Variants in BACH1 observed in about 807,000 individuals in gnomAD.
The protein encoded by BACH1 is BTB domain and CNC homolog 1, also known as transcription regulator protein BACH1.
Under a neutral mutation model 52.9 loss-of-function variants are expected in BACH1, and 35 were observed. The observed-to-expected ratio is 0.66, with a 90% CI of 0.51 to 0.88. The LOEUF (loss-of-function observed/expected upper bound fraction) is 0.88. Among genes scored for constraint, BACH1 ranks in the 40% least tolerant of loss-of-function variants. The probability of loss-of-function intolerance (pLI) is 0.00; values close to 1 mark genes in which losing one functional copy is unlikely to be tolerated. For synonymous variants in BACH1, 321 were observed against 319.6 expected (o/e 1.00, Z -0.05); for missense variants, 808 against 872.6 (o/e 0.93, Z 0.93).
chr21:29,358,810 GAAAGAAGA>G (rs1363156217), intron 2 of BACH1, among the ~76,000 whole-genome samples: 1 of 88,688 alleles, frequency 1.1e-5, no homozygotes, highest in Non-Finnish European at 3.3e-5. Flanking sequence ...AAGAAAGAAA[GAAAGAAGA>G]AAGAAAGAAA....
chr21:29,350,447 C>G (rs1601374964), downstream of BACH1, among the ~76,000 whole-genome samples: 1 of 152,196 alleles, frequency 6.6e-6, no homozygotes, highest in Admixed American at 6.5e-5. Context: ...GCGTGAGAGC[C>G]TAGTGCAAAC....
chr21:29,321,097 T>C, intron 1 of BACH1, 124 bp from the exon 2 acceptor site: 1 of 586,086 alleles, frequency 1.7e-6, no homozygotes, highest in Non-Finnish European at 3.0e-6. Context: ...TGCCTCTAGG[T>C]TGTTCCTCTG....
rs150747240 is a variant in BACH1 at position 29,339,911 on chromosome 21, C to T, written c.1777-2488C>T. 3.1e-3 allele frequency among the ~76,000 whole-genome samples: 475 copies of T among 152,306 alleles called. 1 individual carries two copies. Among genetic ancestry groups the T allele is most frequent in the Non-Finnish European group, 5.3e-3 (358 of 68,016 alleles). On this transcript the variant is annotated intron_variant, in intron 4 of 4. Transcript: ENST00000286800. ...TCAGCCTCCCAAAGTGCTGGGATTA[C>T]AGGCGTGAGCCACTGTGCCCAGCCT...
intron 2 of BACH1, among the ~76,000 whole-genome samples, chr21:29,324,556 T>TG (rs2088887682): frequency 3.4e-5 from 5 of 145,222 alleles, no homozygotes; most frequent in Non-Finnish European, 7.5e-5. Context: ...TGGATGTACC[T>TG]TGTGTGTGTG....
chr21:29,300,164 G>A (rs887945454), intron 1 of BACH1: 16 of 152,254 alleles, frequency 1.1e-4, no homozygotes, highest in African/African-American at 3.9e-4. Context: ...GCTTAGGGAA[G>A]AAAGGCTCCC....
At chr21:29,307,428 G>C (rs2088671786) in intron 1 of BACH1, among the ~76,000 whole-genome samples, 1 of 146,132 alleles carries the variant, frequency 6.8e-6, no homozygotes, top group African/African-American at 2.8e-5. Flanking sequence ...TGTGTGTGTG[G>C]TGAGAACCTT....
In BACH1 at chr21:29,327,236, G is replaced by GCTGTT; in HGVS notation, c.1414_1418dup (p.Ser474ValfsTer53). On this transcript the variant is annotated frameshift_variant, in exon 3 of 5. Transcript: ENST00000286800. LOFTEE classifies it high-confidence loss of function. ...TTTATAAGTACTCTGAGTACTGAAG[G>GCTGTT]CTGTTCAAGCAATTTGGAAATTGGA... is the stretch of plus-strand genomic sequence containing the variant. The GCTGTT allele has an allele frequency of 6.2e-7, 1 of 1,614,172 alleles. No individual in the cohort carries two copies. Among genetic ancestry groups the GCTGTT allele is most frequent in the Non-Finnish European group, 8.5e-7 (1 of 1,180,042 alleles).
intron 4 of BACH1, 85 bp from the exon 5 acceptor site, chr21:29,342,314 G>A (rs1478448565): frequency 7.8e-7 from 1 of 1,288,466 alleles, no homozygotes; most frequent in African/African-American, 1.5e-5. Flanking sequence ...TTGATGAGAA[G>A]CCCCTGTATA....
In BACH1 at chr21:29,344,996, A is replaced by G. The variant is rs934845239; in HGVS notation, c.*2163A>G. ...AAGCACTTGGTTTAAATTTCTCTCT[A>G]CCTATAAACAGTTTAGCATTAAGGG... On this transcript the variant is annotated 3_prime_UTR_variant, in exon 5 of 5. Transcript: ENST00000286800. The G allele has an allele frequency of 1.3e-5, 2 of 152,596 alleles. No homozygotes were observed. The highest frequency in any genetic ancestry group is 4.8e-5 in the African/African-American group (2 of 41,432). The allele number at this position is 152,596 out of a possible 1,614,324, so 9.5% of individuals were successfully genotyped here. A position where few individuals can be genotyped will look rare whatever the true frequency, so the allele number is the denominator to read the frequency against.
At chr21:29,312,730 A>G (rs1225937251) in intron 1 of BACH1, among the ~76,000 whole-genome samples, 1 of 152,200 alleles carries the variant, frequency 6.6e-6, no homozygotes, top group Admixed American at 6.5e-5. Context: ...GCCCTCTACT[A>G]AAAAGATCAT....
intron 4 of BACH1, among the ~76,000 whole-genome samples, chr21:29,341,071 T>C (rs576869284): frequency 7.3e-4 from 111 of 152,248 alleles, no homozygotes; most frequent in Non-Finnish European, 1.4e-3. Context: ...GTATATTTTC[T>C]CAAAATATTA....
At chr21:29,350,792 G>A (rs535556248), downstream of BACH1, among the ~76,000 whole-genome samples, 15 of 152,324 alleles carry the variant, frequency 9.8e-5, no homozygotes, top group Non-Finnish European at 2.2e-4. Context: ...AAGGTGAAGG[G>A]AAGAATGTGG....
At chr21:29,337,223 A>G (rs1057313707) in intron 4 of BACH1, among the ~76,000 whole-genome samples, 6 of 152,214 alleles carry the variant, frequency 3.9e-5, no homozygotes, top group African/African-American at 1.2e-4. Context: ...CCATTTCTTT[A>G]AAACTCCTGG....
In BACH1 at chr21:29,352,717, G is replaced by GT. The variant is rs900272935; in HGVS notation, c.472+23036dup. On this transcript the variant is annotated intron_variant, in intron 2 of 4. Transcript: ENST00000422809. ...TGTTTTTGTTGTTGTTGTTGTTTTT[G>GT]TTTTTTTTTTTTGAGATGGAGTCTT... is the stretch of plus-strand genomic sequence containing the variant. The GT allele has an allele frequency of 3.1e-3, 436 of 139,462 alleles. 4 individuals are homozygous for GT. The highest frequency in any genetic ancestry group is 0.028 in the East Asian group (135 of 4,764). 8.6% of individuals were successfully genotyped at this position (139,462 alleles called of 1,614,324 possible). A position where few individuals can be genotyped will look rare whatever the true frequency, so the allele number is the denominator to read the frequency against.
chr21:29,354,217 C>T (rs2089219800), intron 2 of BACH1, among the ~76,000 whole-genome samples: 1 of 152,038 alleles, frequency 6.6e-6, no homozygotes, highest in Non-Finnish European at 1.5e-5. Context: ...GTATGTGTGG[C>T]CGGGGATAAT....
rs1306971418 is a variant in BACH1 at position 29,326,318 on chromosome 21, T to C, written c.494T>C (p.Leu165Pro). 6.2e-7 allele frequency: 1 copy of C among 1,614,226 alleles called. No individual in the cohort carries two copies. The highest frequency in any genetic ancestry group is 8.5e-7 in the Non-Finnish European group (1 of 1,180,028). The change falls in exon 3 of 5, where the codon CTA becomes CCA. Residue 165 changes from leucine to proline, a missense_variant. Physicochemically the swap from Leu to Pro is moderately conservative, Grantham distance 98. Coordinates refer to ENST00000286800, the MANE Select transcript of BACH1 (RefSeq NM_001186.4). ...CTTTCACTTTTGGACCAGAGGGATC[T>C]AGAAACTGATGAAGTGGAGGAATTT... ...LKLSLLDQRD[L>P]ETDEVEEFLE...
At chr21:29,318,620 G>A (rs1458413973) in intron 1 of BACH1, among the ~76,000 whole-genome samples, 1 of 152,192 alleles carries the variant, frequency 6.6e-6, no homozygotes, top group African/African-American at 2.4e-5. Flanking sequence ...CAGATGTTGA[G>A]CCAATAATTA....
chr21:29,305,146 GAAA>G (rs928998493), intron 1 of BACH1: 24 of 140,812 alleles, frequency 1.7e-4, no homozygotes, highest in African/African-American at 6.0e-4. Context: ...AAAGAGGTAA[GAAA>G]AAAAAAAGCT....
chr21:29,324,423 T>C (rs2088885430), intron 2 of BACH1, among the ~76,000 whole-genome samples: 1 of 152,140 alleles, frequency 6.6e-6, no homozygotes, highest in African/African-American at 2.4e-5. Flanking sequence ...AAAAATGTTA[T>C]ATAAATGGAA....
Sources: gnomAD v4.1 joint callset for allele counts (sites outside exome capture counted in the v4.1 genomes callset) on GRCh38, gnomAD v4.1.1 for gene constraint, MANE v1.5 for transcripts, NCBI Gene and HGNC (gene_info 2026-07-23, HGNC 2026-07-21) for gene names.